Variants in SLC14A2 observed in about 807,000 individuals in gnomAD.
SLC14A2 encodes the protein solute carrier family 14 member 2.
Under a neutral mutation model 104.6 loss-of-function variants are expected in SLC14A2, and 91 were observed. The observed-to-expected ratio is 0.87, with a 90% CI of 0.73 to 1.04. SLC14A2 has a LOEUF of 1.04. SLC14A2 is among the 50% of genes least tolerant of loss of function. SLC14A2 has a pLI of 0.00. For missense variants in SLC14A2, 1,189 were observed against 1,156.0 expected (o/e 1.03, Z -0.41); for synonymous variants, 476 against 466.4 (o/e 1.02, Z -0.27).
intron 10 of SLC14A2, 111 bp from the exon 11 acceptor site, chr18:45,663,674 T>TC: frequency 8.2e-7 from 1 of 1,226,310 alleles, no homozygotes; most frequent in South Asian, 1.5e-5. Flanking sequence ...GCTTCAGGCT[T>TC]CACTGCTCTC....
At chr18:45,636,847 C>A in intron 5 of SLC14A2, 143 bp from the exon 6 acceptor site, 2 of 624,910 alleles carry the variant, frequency 3.2e-6, no homozygotes, top group Non-Finnish European at 5.7e-6. Flanking sequence ...TATCCCAGAT[C>A]ATTGGAACAC....
intron 1 of SLC14A2, among the ~76,000 whole-genome samples, chr18:45,353,329 C>T (rs2085521145): frequency 6.6e-6 from 1 of 152,158 alleles, no homozygotes; most frequent in African/African-American, 2.4e-5. Context: ...GAATTAGGTT[C>T]ATAATTCATG....
At chr18:45,215,608 G>A (rs1428020965) in intron 1 of SLC14A2, among the ~76,000 whole-genome samples, 3 of 152,176 alleles carry the variant, frequency 2.0e-5, no homozygotes, top group Non-Finnish European at 2.9e-5. Flanking sequence ...GAAGTTCTAG[G>A]GGTTTTCTTC....
In SLC14A2 at chr18:45,415,384, C is replaced by T. The variant is rs1455812952; in HGVS notation, c.-124-67849C>T. Among the ~76,000 whole-genome samples, 5 of 151,954 alleles carry T rather than the reference C, an allele frequency of 3.3e-5. No homozygotes were observed. In the South Asian group the frequency reaches 6.2e-4, roughly 19 times the overall value. On this transcript the variant is annotated intron_variant, in intron 1 of 20. Coordinates refer to the SLC14A2 transcript ENST00000586448. ...GGAGTGTCCCAGTATGTGTGTATAC[C>T]CTGGGACTTGATGACATAATGAATT... is the stretch of plus-strand genomic sequence containing the variant.
intron 1 of SLC14A2, among the ~76,000 whole-genome samples, chr18:45,232,453 G>A (rs2084183935): frequency 6.6e-6 from 1 of 152,170 alleles, no homozygotes; most frequent in Non-Finnish European, 1.5e-5. Flanking sequence ...GGATTTCAGT[G>A]GGGACACAGA....
intron 1 of SLC14A2, among the ~76,000 whole-genome samples, chr18:45,472,862 C>CAGAA (rs1189143347): frequency 1.3e-5 from 2 of 152,150 alleles, no homozygotes; most frequent in African/African-American, 4.8e-5. Flanking sequence ...TTTTGCTGTG[C>CAGAA]AGAAGCTCTT....
chr18:45,278,563 G>T (rs977632606), intron 1 of SLC14A2, among the ~76,000 whole-genome samples: 3 of 152,134 alleles, frequency 2.0e-5, no homozygotes, highest in Admixed American at 2.0e-4. Flanking sequence ...ATGGGCAAAA[G>T]GGAAGGAGCT....
intron 1 of SLC14A2, among the ~76,000 whole-genome samples, chr18:45,238,122 A>AG (rs1490702431): frequency 1.3e-5 from 2 of 152,222 alleles, no homozygotes; most frequent in Non-Finnish European, 2.9e-5. Context: ...ACTTCCTAAA[A>AG]GCAACACAGA....
At chr18:45,223,177 G>C (rs899801281) in intron 1 of SLC14A2, among the ~76,000 whole-genome samples, 2 of 152,162 alleles carry the variant, frequency 1.3e-5, no homozygotes, top group Non-Finnish European at 2.9e-5. Flanking sequence ...GAGAGGTTCA[G>C]TGACCCACCC....
intron 2 of SLC14A2, chr18:45,542,441 C>T (rs2043905777): frequency 6.6e-6 from 1 of 152,058 alleles, no homozygotes; most frequent in South Asian, 2.1e-4. Context: ...ATTTAAGACA[C>T]TGAAAGTGGT....
Position 45,523,485 on chromosome 18 carries a change from A to G in SLC14A2, c.-35+40163A>G, listed in dbSNP as rs1598958136. Among the ~76,000 whole-genome samples the G allele has an allele frequency of 2.2e-5, 3 of 138,146 alleles. No homozygotes were observed. The South Asian group carries it at 7.1e-4, about 33-fold the overall frequency. The allele number at this position is 138,146 out of a possible 152,430, so 90.6% of individuals were successfully genotyped here. On this transcript the variant is annotated intron_variant, in intron 2 of 20. Coordinates refer to the SLC14A2 transcript ENST00000586448. ...GCTGGGATTCCAGGCACATACAACC[A>G]CACCCAGCTTTTTTTTTTTTTTTTT...
chr18:45,186,078 A>G, the SLC14A2 span, among the ~76,000 whole-genome samples: 6 of 152,352 alleles, frequency 3.9e-5, no homozygotes, highest in Admixed American at 2.0e-4. Flanking sequence ...AATATTCTCA[A>G]TAGAGATGCC....
At chr18:45,558,971 A>G (rs897950894) in intron 2 of SLC14A2, among the ~76,000 whole-genome samples, 1 of 152,000 alleles carries the variant, frequency 6.6e-6, no homozygotes, top group African/African-American at 2.4e-5. Context: ...TTTGTATTTT[A>G]GTAGAGACGG....
chr18:45,482,427 C>T (rs762149194), intron 1 of SLC14A2: 16 of 152,180 alleles, frequency 1.1e-4, no homozygotes, highest in Non-Finnish European at 8.8e-5. Flanking sequence ...CTGGGCTTGG[C>T]TTAACTCCAT....
chr18:45,608,761 T>C (rs775852247), intron 2 of SLC14A2, among the ~76,000 whole-genome samples: 5 of 152,230 alleles, frequency 3.3e-5, no homozygotes, highest in Non-Finnish European at 5.9e-5. Flanking sequence ...AATGCTCAAC[T>C]AATGCAACTC....
At chr18:45,492,902 T>A (rs535487900) in intron 2 of SLC14A2, among the ~76,000 whole-genome samples, 1 of 152,354 alleles carries the variant, frequency 6.6e-6, no homozygotes, top group African/African-American at 2.4e-5. Flanking sequence ...AACTTCAACT[T>A]GAGACAATTA....
Position 45,639,808 on chromosome 18 carries a change from C to T in SLC14A2, c.906C>T (p.Gly302=), listed in dbSNP as rs142923442. The change falls in exon 7 of 20, where the codon GGC becomes GGT. Residue 302 remains glycine, a synonymous_variant. Transcript: ENST00000255226. ...ATGGCTGTGACAATCCCTGGACAGG[C>T]GGCGTGTTCCTGGTGGCTCTGTTCA... is the stretch of plus-strand genomic sequence containing the variant. ...QVYGCDNPWT[G]GVFLVALFIS... The T allele has an allele frequency of 3.3e-4, 531 of 1,613,924 alleles. 1 individual carries two copies. The African/African-American group carries it at 6.0e-3, about 18-fold the overall frequency.
At chr18:45,310,079 A>G (rs977368272) in intron 1 of SLC14A2, among the ~76,000 whole-genome samples, 2 of 152,158 alleles carry the variant, frequency 1.3e-5, no homozygotes, top group African/African-American at 2.4e-5. Context: ...TATTCCTGTC[A>G]ATGGATATAT....
chr18:45,499,689 G>A (rs947435459), intron 2 of SLC14A2, among the ~76,000 whole-genome samples: 1 of 152,188 alleles, frequency 6.6e-6, no homozygotes, highest in East Asian at 1.9e-4. Context: ...AGTGTGTTGG[G>A]GAAGAGGGGC....
Sources: allele counts gnomAD v4.1 joint callset (sites outside exome capture counted in the v4.1 genomes callset), GRCh38; gene constraint gnomAD v4.1.1; transcripts MANE v1.5; gene names NCBI Gene and HGNC (gene_info 2026-07-23, HGNC 2026-07-21).